Variants in ZNF521 observed in about 807,000 individuals in gnomAD.
ZNF521 encodes the protein LYST-interacting protein 3.
ZNF521 carries 14 observed loss-of-function variants against 105.5 expected under a neutral mutation model. The observed-to-expected ratio is 0.13, with a 90% CI of 0.09 to 0.21. ZNF521 has a LOEUF of 0.21. ZNF521 is among the 10% of genes least tolerant of loss of function. ZNF521 has a pLI of 1.00. For synonymous variants in ZNF521, 635 were observed against 606.0 expected, an observed-to-expected ratio of 1.05 and a Z score of -0.70; for missense variants, 1,233 against 1,629.7, an observed-to-expected ratio of 0.76 and a Z score of 4.19.
At chr18:25,221,124 T>G (rs1905694536) in intron 4 of ZNF521, among the ~76,000 whole-genome samples, 1 of 152,180 alleles carries the variant, frequency 6.6e-6, no homozygotes, top group African/African-American at 2.4e-5. Flanking sequence ...TCACTGCAAA[T>G]TTAGATTAAT....
At chr18:25,132,732 A>C (rs1221952669) in intron 5 of ZNF521, among the ~76,000 whole-genome samples, 1 of 152,188 alleles carries the variant, frequency 6.6e-6, no homozygotes, top group Non-Finnish European at 1.5e-5. Context: ...ACAAGCCCAC[A>C]TTTGGTAATT....
chr18:25,265,151 G>A (rs572210330), intron 3 of ZNF521, among the ~76,000 whole-genome samples: 1 of 152,052 alleles, frequency 6.6e-6, no homozygotes, highest in Non-Finnish European at 1.5e-5. Flanking sequence ...TAAATTTCAG[G>A]TGACTTAACA....
intron 2 of ZNF521, among the ~76,000 whole-genome samples, chr18:25,334,411 A>T (rs1346181721): frequency 1.3e-5 from 2 of 152,158 alleles, no homozygotes; most frequent in African/African-American, 4.8e-5. Flanking sequence ...CCCACTTTCA[A>T]GTTCTTTTTC....
In ZNF521 at chr18:25,224,522, C is replaced by G. The variant is rs750861569; in HGVS notation, c.3396G>C (p.Lys1132Asn). 1 of 1,614,050 alleles carries G rather than the reference C, an allele frequency of 6.2e-7. No homozygotes were observed. Among genetic ancestry groups the G allele is most frequent in the South Asian group, 1.1e-5 (1 of 91,064 alleles). ...ENLSAIEGKG[K>N]VGGLKTRCSS... Reference sequence around the variant, plus strand: ...AGCAGCGTGTCTTCAGTCCCCCCACCTTGCCTTTCCCCTCAATGGCACTCA... The same window carrying G: ...AGCAGCGTGTCTTCAGTCCCCCCACGTTGCCTTTCCCCTCAATGGCACTCA... The change falls in exon 4 of 8, where the codon AAG becomes AAC. Residue 1132 changes from lysine to asparagine, a missense_variant. Physicochemically the swap from Lys to Asn is moderately conservative, Grantham distance 94 (BLOSUM62 0). Coordinates refer to ENST00000361524, the MANE Select transcript of ZNF521 (RefSeq NM_015461.3).
chr18:25,192,752 T>A (rs776607875), intron 5 of ZNF521, among the ~76,000 whole-genome samples: 3 of 151,868 alleles, frequency 2.0e-5, no homozygotes, highest in Non-Finnish European at 4.4e-5. Context: ...TGGAGGTATT[T>A]TAGCTAACAA....
At chr18:25,200,815 G>A (rs1372107079) in intron 4 of ZNF521, among the ~76,000 whole-genome samples, 4 of 151,746 alleles carry the variant, frequency 2.6e-5, no homozygotes, top group Non-Finnish European at 5.9e-5. Context: ...AGTTTTAAAC[G>A]TTCAAGTGCT....
chr18:25,257,846 A>ATC (rs1303462384), intron 3 of ZNF521, among the ~76,000 whole-genome samples: 1 of 152,184 alleles, frequency 6.6e-6, no homozygotes, highest in Non-Finnish European at 1.5e-5. Flanking sequence ...ATAACGGGTG[A>ATC]AGCTCAACAA....
At chr18:25,082,827 GCA>G in intron 7 of ZNF521, 1 of 108,854 alleles carries the variant, frequency 9.2e-6, no homozygotes, top group Non-Finnish European at 1.7e-5. Flanking sequence ...GGGCGACCGA[GCA>G]AGACTCCGTC....
At position 25,224,774 on chromosome 18, in the gene ZNF521, A is replaced by G. The variant is rs1905993308; in HGVS notation, c.3144T>C (p.Asn1048=). The change falls in exon 4 of 8, where the codon AAT becomes AAC. Residue 1048 remains asparagine (N), a synonymous_variant. Coordinates refer to ENST00000361524, the MANE Select transcript of ZNF521 (RefSeq NM_015461.3). ...GCCCTGTGGTCTGAACTGCAGACCCATTCCCTGTCTTTTGCATGTGGAACG... is the reference window on the plus strand; with the variant it reads ...GCCCTGTGGTCTGAACTGCAGACCCGTTCCCTGTCTTTTGCATGTGGAACG... ...HGTFHMQKTG[N]GSAVQTTGRG... 6.2e-7 allele frequency: 1 copy of G among 1,614,020 alleles called. No individual in the cohort carries two copies. The highest frequency in any genetic ancestry group is 8.5e-7 in the Non-Finnish European group (1 of 1,180,018).
At chr18:25,103,657 A>G (rs1222194487) in intron 5 of ZNF521, among the ~76,000 whole-genome samples, 2 of 152,156 alleles carry the variant, frequency 1.3e-5, no homozygotes, top group African/African-American at 2.4e-5. Flanking sequence ...CTGGCATATC[A>G]ATGAATCATA....
At chr18:25,139,878 G>T (rs1380537224) in intron 5 of ZNF521, among the ~76,000 whole-genome samples, 2 of 152,006 alleles carry the variant, frequency 1.3e-5, no homozygotes, top group African/African-American at 4.8e-5. Context: ...CTCACAAATG[G>T]GATTAATGCC....
intron 5 of ZNF521, among the ~76,000 whole-genome samples, chr18:25,145,603 C>T (rs766281533): frequency 2.6e-5 from 4 of 152,066 alleles, no homozygotes; most frequent in African/African-American, 9.7e-5. Context: ...TCACTGAGCA[C>T]GAATGACCCG....
intron 5 of ZNF521, among the ~76,000 whole-genome samples, chr18:25,093,315 A>C (rs2033786995): frequency 6.6e-6 from 1 of 152,172 alleles, no homozygotes; most frequent in Non-Finnish European, 1.5e-5. Context: ...CTGCACTTTA[A>C]CCTGGCTTGT....
chr18:25,092,193 T>C (rs1259183866), intron 5 of ZNF521, 112 bp from the exon 6 acceptor site: 1 of 1,168,798 alleles, frequency 8.6e-7, no homozygotes, highest in Non-Finnish European at 1.2e-6. Flanking sequence ...CTAATATACA[T>C]ATGTAGTATT....
intron 3 of ZNF521, among the ~76,000 whole-genome samples, chr18:25,256,022 T>C (rs2144870572): frequency 6.8e-6 from 1 of 147,828 alleles, no homozygotes; most frequent in Non-Finnish European, 1.5e-5. Context: ...ATATATATGG[T>C]ATATATATGG....
rs78172755 is a variant in ZNF521, at chr18:25,107,302, A to G, written c.3659-15221T>C. Among the ~76,000 whole-genome samples the G allele has an allele frequency of 5.6e-3, 854 of 152,344 alleles. 2 individuals are homozygous for G. Among genetic ancestry groups the G allele is most frequent in the African/African-American group, 0.019 (809 of 41,578 alleles). On this transcript the variant is annotated intron_variant, in intron 5 of 7. Transcript: ENST00000361524. ...AGTTATTCTTGTTATTAAGAATGAA[A>G]CAAATGTTTGTTCCTTTGTTGAAAT...
chr18:25,125,088 A>G (rs1233949186), intron 5 of ZNF521, among the ~76,000 whole-genome samples: 2 of 152,138 alleles, frequency 1.3e-5, no homozygotes, highest in Non-Finnish European at 1.5e-5. Flanking sequence ...CATGGATCCG[A>G]TAGTATCCTG....
intron 3 of ZNF521, among the ~76,000 whole-genome samples, chr18:25,263,554 C>T (rs1909057309): frequency 6.6e-6 from 1 of 151,628 alleles, no homozygotes; most frequent in Non-Finnish European, 1.5e-5. Flanking sequence ...GACGGAGCTT[C>T]ACCATGTAGG....
Position 25,349,250 on chromosome 18 carries a change from G to A in ZNF521, c.40+1657C>T, listed in dbSNP as rs1598498818. 2.0e-5 allele frequency among the ~76,000 whole-genome samples: 3 copies of A among 152,244 alleles called. No homozygotes were observed. In the South Asian group the frequency reaches 6.2e-4, roughly 32 times the overall value. The stretch of plus-strand genomic sequence containing the variant: ...TTACTTTCAAGAAAGCCGGGGTCTC[G>A]GGCAAGTCTCGCCGGCGCGAGCCTG... On this transcript the variant is annotated intron_variant, in intron 2 of 7. Coordinates refer to ENST00000361524, the MANE Select transcript of ZNF521 (RefSeq NM_015461.3).
Sources: allele counts gnomAD v4.1 joint callset (sites outside exome capture counted in the v4.1 genomes callset), GRCh38; gene constraint gnomAD v4.1.1; transcripts MANE v1.5; gene names NCBI Gene and HGNC (gene_info 2026-07-23, HGNC 2026-07-21).